LIPA: variants seen among roughly 807,000 people sequenced by gnomAD.
The protein encoded by LIPA is lipase A, lysosomal acid type.
Under a neutral mutation model 40.6 loss-of-function variants are expected in LIPA, and 26 were observed. The observed-to-expected ratio is 0.64, with a 90% CI of 0.47 to 0.89. The LOEUF (loss-of-function observed/expected upper bound fraction) is 0.89. Among genes scored for constraint, LIPA ranks in the 40% least tolerant of loss-of-function variants. The pLI is 0.00. For synonymous variants in LIPA, 188 were observed against 168.4 expected (o/e 1.12, Z -0.90); for missense variants, 455 against 479.6 (o/e 0.95, Z 0.48).
At chr10:89,338,737 G>A in intron 1 of LIPA, 1 of 1,614,020 alleles carries the variant, frequency 6.2e-7, no homozygotes, top group South Asian at 1.1e-5. Flanking sequence ...ATTCAAGGAA[G>A]ACAGTGTCTC....
intron 1 of LIPA, among the ~76,000 whole-genome samples, chr10:89,323,067 A>G (rs1843580512): frequency 1.3e-5 from 2 of 152,184 alleles, no homozygotes; most frequent in African/African-American, 4.8e-5. Context: ...TAGAGCTTCC[A>G]ATTTATGTCC....
chr10:89,407,741 T>C (rs2133642020), intron 2 of LIPA, among the ~76,000 whole-genome samples: 1 of 152,076 alleles, frequency 6.6e-6, no homozygotes. Context: ...CTCTAACAGG[T>C]TTTAGAGAAT....
chr10:89,366,822 T>C (rs980881053), intron 2 of LIPA, among the ~76,000 whole-genome samples: 3 of 152,238 alleles, frequency 2.0e-5, no homozygotes, highest in Admixed American at 2.0e-4. Context: ...ATCCCATTAC[T>C]GGGTATATAC....
At chr10:89,340,385 C>T (rs11203079) in intron 1 of LIPA, 3,453 of 261,362 alleles carry the variant, frequency 0.013, 41 homozygotes, top group Middle Eastern at 0.025. Context: ...AGTGAAATCC[C>T]GTCTCTACTA....
At chr10:89,296,407 G>A (rs1430401895) in intron 1 of LIPA, among the ~76,000 whole-genome samples, 1 of 149,822 alleles carries the variant, frequency 6.7e-6, no homozygotes, top group Non-Finnish European at 1.5e-5. Context: ...CACGAGAACT[G>A]CTTGAACCCG....
At chr10:89,323,093 A>C (rs1341738764) in intron 1 of LIPA, among the ~76,000 whole-genome samples, 2 of 152,202 alleles carry the variant, frequency 1.3e-5, no homozygotes, top group Non-Finnish European at 2.9e-5. Context: ...CCAAATTCTC[A>C]TTTCCCATTC....
At chr10:89,364,818 A>G (rs904528911) in intron 2 of LIPA, among the ~76,000 whole-genome samples, 2 of 152,142 alleles carry the variant, frequency 1.3e-5, no homozygotes, top group African/African-American at 2.4e-5. Context: ...CTCTGTATCC[A>G]AAAATCTATA....
At chr10:89,314,036 T>C (rs1183542935) in intron 1 of LIPA, among the ~76,000 whole-genome samples, 1 of 152,232 alleles carries the variant, frequency 6.6e-6, no homozygotes, top group Non-Finnish European at 1.5e-5. Flanking sequence ...ATTATAGCTG[T>C]TAAAAATGGG....
upstream of LIPA, among the ~76,000 whole-genome samples, chr10:89,345,251 G>A (rs963829535): frequency 5.3e-5 from 8 of 151,840 alleles, no homozygotes; most frequent in East Asian, 7.7e-4. Flanking sequence ...GGAATAGGCC[G>A]GGCGCAGTGC....
chr10:89,389,259 A>T (rs1411539787), intron 2 of LIPA, among the ~76,000 whole-genome samples: 1 of 152,256 alleles, frequency 6.6e-6, no homozygotes, highest in African/African-American at 2.4e-5. Flanking sequence ...ATGCAGGAAC[A>T]TGGAAATGGA....
At chr10:89,306,457 GA>G in intron 1 of LIPA, 1 of 1,614,120 alleles carries the variant, frequency 6.2e-7, no homozygotes, top group Non-Finnish European at 8.5e-7. Flanking sequence ...CTCTGGAAAA[GA>G]AGCCAAAGAA....
intron 1 of LIPA, among the ~76,000 whole-genome samples, chr10:89,296,531 A>G (rs1023148837): frequency 1.3e-5 from 2 of 151,862 alleles, no homozygotes; most frequent in Admixed American, 6.6e-5. Flanking sequence ...ACTTGTAAAC[A>G]GAAAAGGAAC....
intron 2 of LIPA, chr10:89,362,755 C>T (rs1484754220): frequency 9.7e-6 from 7 of 720,536 alleles, no homozygotes; most frequent in Admixed American, 2.6e-5. Context: ...TGGGCCTTGG[C>T]GAAGTGTGGA....
chr10:89,300,427 C>G (rs1843438211), intron 1 of LIPA, among the ~76,000 whole-genome samples: 1 of 151,918 alleles, frequency 6.6e-6, no homozygotes, highest in Non-Finnish European at 1.5e-5. Flanking sequence ...TAAATGATAC[C>G]AACACATAAA....
intron 1 of LIPA, among the ~76,000 whole-genome samples, chr10:89,292,919 G>C (rs1843384381): frequency 6.6e-6 from 1 of 151,760 alleles, no homozygotes; most frequent in African/African-American, 2.4e-5. Flanking sequence ...AAAGTGCTGA[G>C]ATTACAGACA....
chr10:89,277,727 G>C (rs1392324204), intron 1 of LIPA, among the ~76,000 whole-genome samples: 2 of 152,140 alleles, frequency 1.3e-5, no homozygotes, highest in Non-Finnish European at 2.9e-5. Context: ...GTCATGATTG[G>C]GTTCAGGGAT....
At chr10:89,394,628 A>ATATATATATAT (rs1491430146) in intron 2 of LIPA, among the ~76,000 whole-genome samples, 9 of 28,144 alleles carry the variant, frequency 3.2e-4, no homozygotes, top group Non-Finnish European at 4.0e-4. Flanking sequence ...ATATATATAT[A>ATATATATATAT]AAACTTGAAT....
At chr10:89,306,218 C>T in intron 1 of LIPA, 13 of 1,614,096 alleles carry the variant, frequency 8.1e-6, no homozygotes, top group Non-Finnish European at 1.1e-5. Context: ...GCATGCTGAC[C>T]AGGCAGAAAT....
chr10:89,251,426 C>T (rs1252434514), intron 1 of LIPA, among the ~76,000 whole-genome samples: 4 of 152,202 alleles, frequency 2.6e-5, no homozygotes, highest in African/African-American at 9.6e-5. Flanking sequence ...GCTGTCCTCG[C>T]GGTCCAGGAG....
Sources: allele counts gnomAD v4.1 joint callset (sites outside exome capture counted in the v4.1 genomes callset), GRCh38; gene constraint gnomAD v4.1.1; transcripts MANE v1.5; gene names NCBI Gene and HGNC (gene_info 2026-07-23, HGNC 2026-07-21).